LCOR: variants seen among roughly 807,000 people sequenced by gnomAD.
LCOR encodes ligand dependent nuclear receptor corepressor, also known as ligand-dependent corepressor.
In LCOR, 14 loss-of-function variants were observed where a neutral mutation model predicts 64.4. The ratio of observed to expected loss-of-function variants is 0.22; its 90% CI spans 0.14 to 0.34. LCOR has a LOEUF of 0.34. Among genes scored for constraint, LCOR ranks in the 10% least tolerant of loss-of-function variants. LCOR has a pLI of 1.00. For synonymous variants in LCOR, 643 were observed against 642.5 expected, an observed-to-expected ratio of 1.00 and a Z score of -0.01; for missense variants, 1,686 against 1,765.3, an observed-to-expected ratio of 0.96 and a Z score of 0.80.
At chr10:96,899,588 CTTAAT>C (rs1181476556) in intron 2 of LCOR, among the ~76,000 whole-genome samples, 5 of 151,944 alleles carry the variant, frequency 3.3e-5, no homozygotes, top group Non-Finnish European at 5.9e-5. Flanking sequence ...TGATAAATAT[CTTAAT>C]TTAACTTCTT....
intron 7 of LCOR, chr10:96,956,779 A>G (rs1255864577): frequency 3.0e-6 from 3 of 985,722 alleles, no homozygotes; most frequent in East Asian, 1.1e-4. Context: ...ACATAAAACA[A>G]TGGAGGATGC....
chr10:96,833,121 G>A, intron 1 of LCOR: 2 of 985,676 alleles, frequency 2.0e-6, no homozygotes, highest in Non-Finnish European at 2.4e-6. Flanking sequence ...ACGGGTCGGT[G>A]TGTGCGTATT....
intron 2 of LCOR, among the ~76,000 whole-genome samples, chr10:96,860,431 G>A (rs1845869315): frequency 1.3e-5 from 2 of 152,048 alleles, no homozygotes; most frequent in African/African-American, 4.8e-5. Context: ...GGATTGCCAA[G>A]GATTGCTGGC....
intron 2 of LCOR, among the ~76,000 whole-genome samples, chr10:96,861,581 T>C (rs1328367382): frequency 6.6e-6 from 1 of 152,076 alleles, no homozygotes; most frequent in East Asian, 1.9e-4. Context: ...TGTCTCACTC[T>C]GTCACCCAGG....
At chr10:96,918,155 A>G (rs1846987597) in intron 4 of LCOR, among the ~76,000 whole-genome samples, 1 of 152,210 alleles carries the variant, frequency 6.6e-6, no homozygotes, top group Non-Finnish European at 1.5e-5. Flanking sequence ...TCATTTTAGG[A>G]AGTAAGAATC....
At position 96,984,605 on chromosome 10, in the gene LCOR, A is replaced by G. The variant is rs1167440249; in HGVS notation, c.4145A>G (p.Lys1382Arg). 2 of 1,614,110 alleles carry G rather than the reference A, an allele frequency of 1.2e-6. No individual in the cohort carries two copies. The highest frequency in any genetic ancestry group is 2.7e-5 in the African/African-American group (2 of 74,942). The change falls in exon 8 of 8, where the codon AAG becomes AGG. Residue 1382 changes from lysine to arginine, a missense_variant. Transcript: ENST00000421806. ...PKSTEGMKGR[K>R]GKQVSEILPK... ...AGTACTGAAGGAATGAAGGGAAGGA[A>G]GGGGAAGCAGGTGTCTGAAATCTTG... is the stretch of plus-strand genomic sequence containing the variant.
chr10:96,988,296 A>G lies in LCOR; in HGVS notation c.*3162A>G, dbSNP rs938210934. On this transcript the variant is annotated 3_prime_UTR_variant, in exon 8 of 8. Coordinates refer to ENST00000421806, the MANE Select transcript of LCOR (RefSeq NM_001346516.2). ...TTATTCTGCTCCTGAGGCTTCCTTC[A>G]TAGGAATGCTGTCAGTTTCTGTAAG... 6.6e-6 allele frequency: 1 copy of G among 152,232 alleles called. No individual in the cohort carries two copies. Among genetic ancestry groups the G allele is most frequent in the African/African-American group, 2.4e-5 (1 of 41,462 alleles). The allele number at this position is 152,232 out of a possible 1,614,324, so 9.4% of individuals were successfully genotyped here.
At chr10:96,947,975 G>A (rs942408687) in intron 5 of LCOR, among the ~76,000 whole-genome samples, 1 of 152,082 alleles carries the variant, frequency 6.6e-6, no homozygotes, top group Non-Finnish European at 1.5e-5. Context: ...GTATTTAGAG[G>A]TACACAGAGG....
chr10:96,898,999 G>T (rs1846588947), intron 2 of LCOR, among the ~76,000 whole-genome samples: 1 of 152,136 alleles, frequency 6.6e-6, no homozygotes, highest in Non-Finnish European at 1.5e-5. Flanking sequence ...GGAATACTTG[G>T]TGATTTATGG....
intron 2 of LCOR, among the ~76,000 whole-genome samples, chr10:96,890,070 C>T (rs1045680134): frequency 5.3e-5 from 8 of 151,828 alleles, no homozygotes; most frequent in Non-Finnish European, 1.0e-4. Flanking sequence ...TACCAGCACT[C>T]GTTATTTTCT....
intron 2 of LCOR, among the ~76,000 whole-genome samples, chr10:96,905,537 G>A (rs1040600261): frequency 1.3e-5 from 2 of 151,992 alleles, no homozygotes; most frequent in Non-Finnish European, 2.9e-5. Context: ...CTGATCTCCA[G>A]GGCCAAAATA....
In LCOR at chr10:96,982,135, C is replaced by G. The variant is rs1299985324; in HGVS notation, c.1675C>G (p.Leu559Val). ...PAPRHTVDVQ[L>V]PREDNPEEPS... The stretch of plus-strand genomic sequence containing the variant: ...CCCTAGACATACAGTAGATGTGCAG[C>G]TTCCCAGAGAAGACAACCCTGAAGA... Residue 559 changes from leucine to valine, a missense_variant, in exon 8 of 8, where the codon CTT (leucine) becomes GTT (valine). Leu to Val is a conservative substitution (Grantham distance 32). This residue lies in a region of LCOR where 1,293 missense variants were observed against 1,410.4 expected (regional missense o/e 0.92). Coordinates refer to ENST00000421806, the MANE Select transcript of LCOR (RefSeq NM_001346516.2). 3.1e-6 allele frequency: 5 copies of G among 1,614,028 alleles called. No homozygotes were observed. The highest frequency in any genetic ancestry group is 4.2e-6 in the Non-Finnish European group (5 of 1,180,040).
At position 96,951,234 on chromosome 10, in the gene LCOR, G is replaced by A. The variant is rs116303520; in HGVS notation, c.239-869G>A. Among the ~76,000 whole-genome samples, 503 of 152,224 alleles carry A rather than the reference G, an allele frequency of 3.3e-3. 3 individuals are homozygous for A. Among genetic ancestry groups the A allele is most frequent in the African/African-American group, 0.012 (483 of 41,568 alleles). ...CAGGTATTTCAACAAGGAGAAAAAC[G>A]TCTTTGAGGGAAAAGAAAGTCTTCT... On this transcript the variant is annotated intron_variant, in intron 6 of 7. Coordinates refer to ENST00000421806, the MANE Select transcript of LCOR (RefSeq NM_001346516.2).
rs1403890435 is a variant in LCOR, at chr10:96,981,497, C to T, written c.1037C>T (p.Ala346Val). 1 of 1,614,150 alleles carries T rather than the reference C, an allele frequency of 6.2e-7. No homozygotes were observed. The highest frequency in any genetic ancestry group is 1.1e-5 in the South Asian group (1 of 91,070). The change falls in exon 8 of 8, where the codon GCT becomes GTT. Residue 346 changes from alanine to valine, a missense_variant. Physicochemically the swap from Ala to Val is moderately conservative, Grantham distance 64. Transcript: ENST00000421806. The part of the protein sequence containing the change: ...CIIPQRNLFK[A>V]LSEEAWNSGF... ...ATTCCTCAAAGAAATTTGTTCAAAG[C>T]TTTATCAGAAGAGGCTTGGAACTCA...
chr10:96,983,220 C>A lies in LCOR; in HGVS notation c.2760C>A (p.Val920=). The A allele has an allele frequency of 6.2e-7, 1 of 1,614,100 alleles. No individual in the cohort carries two copies. The highest frequency in any genetic ancestry group is 8.5e-7 in the Non-Finnish European group (1 of 1,180,040). ...TGAAAAACATGCTGGACAAAGAAGT[C>A]AAGGAGTTACGAGGAGAGATTTTCC... ...QTLKNMLDKE[V]KELRGEIFPS... The change falls in exon 8 of 8, where the codon GTC becomes GTA. Residue 920 remains valine (V), a synonymous_variant. Coordinates refer to ENST00000421806, the MANE Select transcript of LCOR (RefSeq NM_001346516.2). This position sits in a 1 kb window ranked among gnomAD's most constrained non-coding sequence, Gnocchi z 4.5.
Position 96,915,609 on chromosome 10 carries a change from G to T in LCOR, c.-184+7862G>T, listed in dbSNP as rs947895164. The T allele has an allele frequency of 1.1e-5, 9 of 840,050 alleles. No individual in the cohort carries two copies. In the Admixed American group the frequency reaches 1.6e-4, roughly 15 times the overall value. 52.0% of individuals were successfully genotyped at this position (840,050 alleles called of 1,614,324 possible). ...ACTATACAGTCACCAGAAGTACACA[G>T]TTATCAAAAATGCACACACTTCACT... On this transcript the variant is annotated intron_variant, in intron 4 of 7. Coordinates refer to ENST00000421806, the MANE Select transcript of LCOR (RefSeq NM_001346516.2).
At chr10:96,888,752 C>G (rs1039768315) in intron 2 of LCOR, among the ~76,000 whole-genome samples, 10 of 152,032 alleles carry the variant, frequency 6.6e-5, no homozygotes, top group African/African-American at 1.9e-4. Context: ...AATTTATATA[C>G]CCAACACCAC....
At chr10:96,924,759 C>T (rs957243855) in intron 4 of LCOR, among the ~76,000 whole-genome samples, 2 of 152,174 alleles carry the variant, frequency 1.3e-5, no homozygotes, top group African/African-American at 2.4e-5. Context: ...CATCACACCC[C>T]TCAGACCTCT....
At chr10:96,965,768 G>T (rs1365641081) in intron 7 of LCOR, among the ~76,000 whole-genome samples, 1 of 151,642 alleles carries the variant, frequency 6.6e-6, no homozygotes, top group Non-Finnish European at 1.5e-5. Flanking sequence ...TGTTCTGTTG[G>T]CTTTATTTGT....
Sources: allele counts gnomAD v4.1 joint callset (sites outside exome capture counted in the v4.1 genomes callset), GRCh38; gene constraint gnomAD v4.1.1; regional missense constraint gnomAD v4.1.1; non-coding constraint Gnocchi (gnomAD v3.1); transcripts MANE v1.5; gene names NCBI Gene and HGNC (gene_info 2026-07-23, HGNC 2026-07-21).